Variants in GINS2 observed in about 807,000 individuals in gnomAD.
GINS2 encodes the protein DNA replication complex GINS protein PSF2.
In GINS2, 23 loss-of-function variants were observed where a neutral mutation model predicts 21.2. The ratio of observed to expected loss-of-function variants is 1.08; its 90% confidence interval spans 0.78 to 1.53. The LOEUF (loss-of-function observed/expected upper bound fraction) is 1.53. GINS2 is among the 40% of genes most tolerant of loss of function. The probability of loss-of-function intolerance (pLI) is 0.00; values close to 1 mark genes in which losing one functional copy is unlikely to be tolerated. For missense variants in GINS2, 323 were observed against 233.9 expected, an observed-to-expected ratio of 1.38 and a Z score of -2.49; for synonymous variants, 118 against 85.6, an observed-to-expected ratio of 1.38 and a Z score of -2.09.
chr16:85,688,949 C>G lies in GINS2; in HGVS notation c.-51G>C, dbSNP rs111608448. ...CTCACGGTCTCCTCGGGCCCCTCAGCGTCCCGGAGGAGACGCCGCGGCCGC... is the reference window on the plus strand; with the variant it reads ...CTCACGGTCTCCTCGGGCCCCTCAGGGTCCCGGAGGAGACGCCGCGGCCGC... On this transcript the variant is annotated 5_prime_UTR_variant, in exon 1 of 5. Coordinates refer to ENST00000253462, the MANE Select transcript of GINS2 (RefSeq NM_016095.3). 1 of 1,339,856 alleles carries G rather than the reference C, an allele frequency of 7.5e-7. No homozygotes were observed. Among genetic ancestry groups the G allele is most frequent in the Admixed American group, 2.3e-5 (1 of 43,976 alleles). The allele number at this position is 1,339,856 out of a possible 1,614,324, so 83.0% of individuals were successfully genotyped here.
chr16:85,681,926 A>G (rs2053736624), intron 2 of GINS2, among the ~76,000 whole-genome samples: 1 of 152,100 alleles, frequency 6.6e-6, no homozygotes, highest in African/African-American at 2.4e-5. Context: ...ATATTCCTAA[A>G]AACAATGTTA....
chr16:85,681,463 C>T, intron 3 of GINS2, 119 bp downstream of exon 3: 1 of 643,814 alleles, frequency 1.6e-6, no homozygotes, highest in Non-Finnish European at 2.8e-6. Flanking sequence ...AACAGGGCGG[C>T]CAGTGTTGCC....
chr16:85,684,009 A>C (rs2053755183), intron 2 of GINS2, among the ~76,000 whole-genome samples: 1 of 152,258 alleles, frequency 6.6e-6, no homozygotes, highest in Non-Finnish European at 1.5e-5. Flanking sequence ...AAAAAGAAAC[A>C]TATCCATGAA....
At chr16:85,688,750 C>T (rs2303205) in intron 1 of GINS2, 59 bp downstream of exon 1, 281,134 of 1,078,076 alleles carry the variant, frequency 0.26, 39,862 homozygotes, top group Middle Eastern at 0.3. Context: ...GAAGGCCACG[C>T]GGGAGCCCCG....
At chr16:85,683,332 A>G in intron 2 of GINS2, among the ~76,000 whole-genome samples, 1 of 151,580 alleles carries the variant, frequency 6.6e-6, no homozygotes, top group East Asian at 1.9e-4. Context: ...TATCCACACC[A>G]CCTCGTCCAA....
chr16:85,677,256 G>C lies in GINS2; in HGVS notation c.*956C>G, dbSNP rs1375733091. ...GCTGGACGATCATTTCACCTCTCAAGGTAATGTAATTTCTGTAAAGGTCCT... is the reference window on the plus strand; with the variant it reads ...GCTGGACGATCATTTCACCTCTCAACGTAATGTAATTTCTGTAAAGGTCCT... On this transcript the variant is annotated 3_prime_UTR_variant, in exon 5 of 5. Coordinates refer to ENST00000253462, the MANE Select transcript of GINS2 (RefSeq NM_016095.3). 6.6e-6 allele frequency: 1 copy of C among 152,014 alleles called. No homozygotes were observed. The highest frequency in any genetic ancestry group is 1.5e-5 in the Non-Finnish European group (1 of 68,034). The allele number at this position is 152,014 out of a possible 1,614,324, so 9.4% of individuals were successfully genotyped here. A position where few individuals can be genotyped will look rare whatever the true frequency, so the allele number is the denominator to read the frequency against.
chr16:85,688,947 A>T lies in GINS2; in HGVS notation c.-49T>A. The T allele has an allele frequency of 3.0e-6, 4 of 1,338,528 alleles. No individual in the cohort carries two copies. The highest frequency in any genetic ancestry group is 4.1e-6 in the Non-Finnish European group (4 of 980,144). 82.9% of individuals were successfully genotyped at this position (1,338,528 alleles called of 1,614,324 possible). A position where few individuals can be genotyped will look rare whatever the true frequency, so the allele number is the denominator to read the frequency against. On this transcript the variant is annotated 5_prime_UTR_variant, in exon 1 of 5. Transcript: ENST00000253462. Reference sequence around the variant, plus strand: ...GCCTCACGGTCTCCTCGGGCCCCTCAGCGTCCCGGAGGAGACGCCGCGGCC... The same window carrying T: ...GCCTCACGGTCTCCTCGGGCCCCTCTGCGTCCCGGAGGAGACGCCGCGGCC...
intron 2 of GINS2, among the ~76,000 whole-genome samples, chr16:85,683,164 G>T (rs143824563): frequency 6.6e-6 from 1 of 152,044 alleles, no homozygotes; most frequent in East Asian, 1.9e-4. Flanking sequence ...CACACTAATA[G>T]ATATAGCCTT....
intron 1 of GINS2, chr16:85,687,900 G>A (rs1238020119): frequency 1.9e-4 from 38 of 197,194 alleles, no homozygotes; most frequent in Non-Finnish European, 2.0e-5. Context: ...CCTGGGGTGC[G>A]GGGAGGTGGG....
At chr16:85,685,044 C>T (rs1224559879) in intron 2 of GINS2, among the ~76,000 whole-genome samples, 1 of 152,112 alleles carries the variant, frequency 6.6e-6, no homozygotes, top group African/African-American at 2.4e-5. Flanking sequence ...CCATCTCGGC[C>T]TCCCAAAGTG....
Position 85,677,984 on chromosome 16 carries a change from A to T in GINS2, c.*228T>A. On this transcript the variant is annotated 3_prime_UTR_variant, in exon 5 of 5. Transcript: ENST00000253462. ...TTTTATTTCTCAAAAGTGGGGGGAA[A>T]AAGGGCTGGTTTCTAGAAACAGATG... The T allele has an allele frequency of 2.1e-6, 1 of 469,604 alleles. No homozygotes were observed. The highest frequency in any genetic ancestry group is 3.8e-6 in the Non-Finnish European group (1 of 264,772). The allele number at this position is 469,604 out of a possible 1,614,324, so 29.1% of individuals were successfully genotyped here.
At chr16:85,680,059 C>T (rs2053718722) in intron 3 of GINS2, among the ~76,000 whole-genome samples, 1 of 152,222 alleles carries the variant, frequency 6.6e-6, no homozygotes, top group East Asian at 1.9e-4. Context: ...CTCTCTGGCA[C>T]CACCTGGCCT....
At chr16:85,685,803 C>T (rs868130088) in intron 2 of GINS2, among the ~76,000 whole-genome samples, 1 of 151,434 alleles carries the variant, frequency 6.6e-6, no homozygotes, top group South Asian at 2.1e-4. Flanking sequence ...CTGTCTTAAA[C>T]GGACCCCAGA....
chr16:85,679,081 T>G (rs944282293), intron 3 of GINS2, among the ~76,000 whole-genome samples: 1 of 152,120 alleles, frequency 6.6e-6, no homozygotes. Flanking sequence ...ATCTCCCTAT[T>G]CCCCACCAGG....
chr16:85,679,900 A>T (rs759472152), intron 3 of GINS2, among the ~76,000 whole-genome samples: 14 of 152,074 alleles, frequency 9.2e-5, no homozygotes, highest in Non-Finnish European at 2.1e-4. Flanking sequence ...TGCTCCCATG[A>T]ATGTACTACA....
Position 85,685,670 on chromosome 16 carries a change from C to CAAAAAAAAAAAAAAAAAAAAAAAAAA in GINS2, c.205+1789_205+1790insTTTTTTTTTTTTTTTTTTTTTTTTTT, listed in dbSNP as rs752631926. On this transcript the variant is annotated intron_variant, in intron 2 of 4. Transcript: ENST00000253462. ...TGGGTGACAGAGCAAGACCCTTTCT[C>CAAAAAAAAAAAAAAAAAAAAAAAAAA]AAAAAAAAAAAAAAAAAAAAACCGT... 9.0e-4 allele frequency among the ~76,000 whole-genome samples: 50 copies of CAAAAAAAAAAAAAAAAAAAAAAAAAA among 55,268 alleles called. 4 individuals are homozygous for CAAAAAAAAAAAAAAAAAAAAAAAAAA. The highest frequency in any genetic ancestry group is 3.6e-3 in the East Asian group (5 of 1,392). 36.3% of individuals were successfully genotyped at this position (55,268 alleles called of 152,430 possible).
chr16:85,688,715 AG>A, intron 1 of GINS2, 93 bp downstream of exon 1: 1 of 585,762 alleles, frequency 1.7e-6, no homozygotes, highest in Non-Finnish European at 2.8e-6. Context: ...ATGCGGGAGC[AG>A]GGCGAGCCCG....
At position 85,678,237 on chromosome 16, in the gene GINS2, T is replaced by A; in HGVS notation, c.533A>T (p.Glu178Val). ...CTAGAAGTCCTGAGACTGAGTACTC[T>A]CCAGAGGCTGGAGGTTCGTGCGGAG... The part of the protein sequence containing the change: ...YKLRTNLQPL[E>V]STQSQDF The change falls in exon 5 of 5, where the codon GAG (glutamate) becomes GTG (valine). Residue 178 changes from glutamate to valine, a missense_variant. Coordinates refer to ENST00000253462, the MANE Select transcript of GINS2 (RefSeq NM_016095.3). The A allele has an allele frequency of 6.2e-7, 1 of 1,613,560 alleles. No homozygotes were observed. The highest frequency in any genetic ancestry group is 2.2e-5 in the East Asian group (1 of 44,866).
chr16:85,686,464 T>C (rs547806775), intron 2 of GINS2, among the ~76,000 whole-genome samples: 84 of 151,992 alleles, frequency 5.5e-4, no homozygotes, highest in Middle Eastern at 6.8e-3. Flanking sequence ...TTGTGGGCTA[T>C]TAAAAACAAA....
Sources: allele counts gnomAD v4.1 joint callset (sites outside exome capture counted in the v4.1 genomes callset), GRCh38; gene constraint gnomAD v4.1.1; transcripts MANE v1.5; gene names NCBI Gene and HGNC (gene_info 2026-07-23, HGNC 2026-07-21).